TOM1L2: variants seen among roughly 807,000 people sequenced by gnomAD.
TOM1L2 encodes the protein target of myb1 like 2 membrane trafficking protein.
A neutral mutation model predicts 67.9 loss-of-function variants in TOM1L2; 31 were observed. That is an observed-to-expected ratio of 0.46 (90% CI 0.34 to 0.62). TOM1L2 has a LOEUF of 0.62. TOM1L2 is among the 20% of genes least tolerant of loss of function. The pLI is 0.01. For missense variants in TOM1L2, 606 were observed against 663.5 expected, an observed-to-expected ratio of 0.91 and a Z score of 0.95; for synonymous variants, 256 against 254.0, an observed-to-expected ratio of 1.01 and a Z score of -0.07.
chr17:17,928,494 A>G (rs1598355469), intron 1 of TOM1L2, among the ~76,000 whole-genome samples: 1 of 152,266 alleles, frequency 6.6e-6, no homozygotes, highest in East Asian at 1.9e-4. Flanking sequence ...CATAATGGAA[A>G]GGGTCAAAAG....
At chr17:17,864,499 C>T (rs528264383) in intron 10 of TOM1L2, among the ~76,000 whole-genome samples, 25 of 151,248 alleles carry the variant, frequency 1.7e-4, no homozygotes, top group African/African-American at 5.1e-4. Context: ...CGTTAGCCAC[C>T]GCACCCGGCT....
intron 4 of TOM1L2, among the ~76,000 whole-genome samples, chr17:17,887,098 G>T (rs1233030214): frequency 2.6e-5 from 4 of 152,242 alleles, no homozygotes; most frequent in African/African-American, 9.6e-5. Context: ...CCAGGGCGGG[G>T]TGACCTGGAC....
intron 1 of TOM1L2, among the ~76,000 whole-genome samples, chr17:17,921,628 C>G (rs781100672): frequency 3.3e-5 from 5 of 151,980 alleles, no homozygotes; most frequent in Non-Finnish European, 7.4e-5. Context: ...CTTGTCCCAG[C>G]CTAGCAGGCT....
Position 17,844,275 on chromosome 17 carries a change from G to A in TOM1L2, c.*3360C>T, listed in dbSNP as rs2035531951. On this transcript the variant is annotated 3_prime_UTR_variant, in exon 15 of 15. Transcript: ENST00000379504. ...CCAGGGTGGGGTGTGGCAGCGGGAA[G>A]GAGGGGGGCAGGAGCGTGAGCATCG... 3 of 152,532 alleles carry A rather than the reference G, an allele frequency of 2.0e-5. No homozygotes were observed. The highest frequency in any genetic ancestry group is 3.4e-3 in the Middle Eastern group (1 of 294). 9.4% of individuals were successfully genotyped at this position (152,532 alleles called of 1,614,324 possible). A position where few individuals can be genotyped will look rare whatever the true frequency, so the allele number is the denominator to read the frequency against.
chr17:17,860,357 T>G (rs1598197218), intron 12 of TOM1L2, among the ~76,000 whole-genome samples: 2 of 152,340 alleles, frequency 1.3e-5, no homozygotes, highest in African/African-American at 4.8e-5. Flanking sequence ...GGCACGGCAC[T>G]GAGGACCCAA....
At chr17:17,960,814 A>G (rs560646585) in intron 1 of TOM1L2, among the ~76,000 whole-genome samples, 1 of 152,354 alleles carries the variant, frequency 6.6e-6, no homozygotes, top group Non-Finnish European at 1.5e-5. Flanking sequence ...CCCAGTACCT[A>G]GTAAGGAGAG....
intron 1 of TOM1L2, among the ~76,000 whole-genome samples, chr17:17,916,612 T>A (rs2039639484): frequency 1.3e-5 from 2 of 152,212 alleles, no homozygotes; most frequent in African/African-American, 4.8e-5. Context: ...GTTCTCTACT[T>A]TATTCCATTG....
intron 2 of TOM1L2, 128 bp from the exon 3 acceptor site, chr17:17,898,802 T>A (rs996376376): frequency 2.3e-6 from 2 of 878,406 alleles, no homozygotes; most frequent in Non-Finnish European, 3.7e-6. Context: ...TGTAAAAGAC[T>A]GGGAACAAAC....
At chr17:17,956,516 G>A (rs1159537098) in intron 1 of TOM1L2, among the ~76,000 whole-genome samples, 2 of 152,234 alleles carry the variant, frequency 1.3e-5, no homozygotes, top group Non-Finnish European at 2.9e-5. Context: ...GCCCTTGGGC[G>A]GTCGATGGGA....
At chr17:17,911,776 G>C (rs564362509) in intron 1 of TOM1L2, among the ~76,000 whole-genome samples, 1 of 148,820 alleles carries the variant, frequency 6.7e-6, no homozygotes, top group African/African-American at 2.5e-5. Flanking sequence ...AAGGTCTCTG[G>C]TTTTCCTAGG....
chr17:17,969,223 A>C (rs62072047), intron 1 of TOM1L2, among the ~76,000 whole-genome samples: 2,096 of 151,970 alleles, frequency 0.014, 20 homozygotes, highest in Middle Eastern at 0.041. Context: ...CACCCGGCTC[A>C]TTTTTGTATT....
chr17:17,926,213 C>G (rs933876678), intron 1 of TOM1L2, among the ~76,000 whole-genome samples: 2 of 151,594 alleles, frequency 1.3e-5, no homozygotes, highest in African/African-American at 4.9e-5. Flanking sequence ...AGCTTTCAAG[C>G]TGGCCTAAAC....
chr17:17,910,268 C>T (rs2039286766), intron 1 of TOM1L2, among the ~76,000 whole-genome samples: 1 of 152,200 alleles, frequency 6.6e-6, no homozygotes, highest in African/African-American at 2.4e-5. Context: ...AGAGCCAGGA[C>T]TACAGCCAGG....
At chr17:17,865,440 G>A (rs1224606660) in intron 10 of TOM1L2, among the ~76,000 whole-genome samples, 3 of 152,036 alleles carry the variant, frequency 2.0e-5, no homozygotes, top group East Asian at 1.9e-4. Context: ...GCAATGGCGC[G>A]ATCTCGGCTC....
At chr17:17,876,062 T>C (rs1052347030) in intron 7 of TOM1L2, among the ~76,000 whole-genome samples, 3 of 152,198 alleles carry the variant, frequency 2.0e-5, no homozygotes, top group East Asian at 1.9e-4. Context: ...TTTGGCATCA[T>C]TGTATTAATT....
In TOM1L2 at chr17:17,846,567, G is replaced by A. The variant is rs1213031494; in HGVS notation, c.*1068C>T. The A allele has an allele frequency of 6.6e-6, 1 of 152,550 alleles. No homozygotes were observed. Among genetic ancestry groups the A allele is most frequent in the Non-Finnish European group, 1.5e-5 (1 of 68,278 alleles). The allele number at this position is 152,550 out of a possible 1,614,324, so 9.4% of individuals were successfully genotyped here. A position where few individuals can be genotyped will look rare whatever the true frequency, so the allele number is the denominator to read the frequency against. ...AGGTGGGAGGAGGCCAGACTGTCAG[G>A]AGAGTCTGTGCAAGGAGGCCAAGGC... is the stretch of plus-strand genomic sequence containing the variant. On this transcript the variant is annotated 3_prime_UTR_variant, in exon 15 of 15. Coordinates refer to ENST00000379504, the MANE Select transcript of TOM1L2 (RefSeq NM_001082968.2).
intron 1 of TOM1L2, among the ~76,000 whole-genome samples, chr17:17,941,635 G>A (rs2040738924): frequency 6.6e-6 from 1 of 152,082 alleles, no homozygotes; most frequent in Admixed American, 6.6e-5. Context: ...TGGAACAATG[G>A]AACCAGCCAG....
At chr17:17,915,495 A>AT (rs2144545707) in intron 1 of TOM1L2, among the ~76,000 whole-genome samples, 1 of 151,802 alleles carries the variant, frequency 6.6e-6, no homozygotes, top group South Asian at 2.1e-4. Flanking sequence ...TATCTATTCA[A>AT]TTTTTTTGGC....
chr17:17,888,445 T>C (rs866396587), intron 4 of TOM1L2, among the ~76,000 whole-genome samples: 1 of 152,194 alleles, frequency 6.6e-6, no homozygotes, highest in African/African-American at 2.4e-5. Flanking sequence ...CCATTGCTGA[T>C]TTAAACTATG....
Sources: allele counts gnomAD v4.1 joint callset (sites outside exome capture counted in the v4.1 genomes callset), GRCh38; gene constraint gnomAD v4.1.1; transcripts MANE v1.5; gene names NCBI Gene and HGNC (gene_info 2026-07-23, HGNC 2026-07-21).